The following PTPN14 variants were observed in gnomAD, a reference collection of about 807,000 sequenced individuals.
PTPN14 encodes tyrosine-protein phosphatase non-receptor type 14.
In PTPN14, 53 loss-of-function variants were observed where a neutral mutation model predicts 126.8. The observed-to-expected ratio is 0.42, with a 90% CI of 0.34 to 0.53. The LOEUF (loss-of-function observed/expected upper bound fraction) is 0.53. Ranked by LOEUF, PTPN14 falls within the 20% of genes least tolerant of loss-of-function variation. The pLI, the probability that PTPN14 is intolerant of heterozygous loss-of-function variation, is 0.08. For missense variants in PTPN14, 1,257 were observed against 1,552.9 expected (o/e 0.81, Z 3.20); for synonymous variants, 630 against 599.3 (o/e 1.05, Z -0.75).
intron 1 of PTPN14, chr1:214,530,651 A>G (rs904673762): frequency 1.3e-5 from 2 of 152,078 alleles, no homozygotes; most frequent in African/African-American, 4.8e-5. Flanking sequence ...TCTATAATAT[A>G]TTTTACACCC....
Position 214,407,854 on chromosome 1 carries a change from T to G in PTPN14, c.510+3830A>C, listed in dbSNP as rs532651612. 4.7e-3 allele frequency among the ~76,000 whole-genome samples: 709 copies of G among 152,286 alleles called. 5 individuals carry two copies. Among genetic ancestry groups the G allele is most frequent in the African/African-American group, 0.016 (675 of 41,544 alleles). ...CTTGAATCCAGCAGTTCTCAAAGTGTGGGGTCTGCAGAACTCAAAGGAGCC... is the reference window on the plus strand; with the variant it reads ...CTTGAATCCAGCAGTTCTCAAAGTGGGGGGTCTGCAGAACTCAAAGGAGCC... On this transcript the variant is annotated intron_variant, in intron 5 of 18. Transcript: ENST00000366956.
At chr1:214,411,862 A>G (rs1659317219) in intron 4 of PTPN14, 111 bp from the exon 5 acceptor site, 3 of 553,864 alleles carry the variant, frequency 5.4e-6, no homozygotes. Flanking sequence ...CCTATTTCTC[A>G]CTATTATTAA....
Position 214,435,862 on chromosome 1 carries a change from T to A in PTPN14, c.344+15943A>T, listed in dbSNP as rs187166340. ...ATTTCTCAAAGAACTTAAGGCAGAATTTCCATTCGACCCAGCAATCTCATT... is the reference window on the plus strand; with the variant it reads ...ATTTCTCAAAGAACTTAAGGCAGAAATTCCATTCGACCCAGCAATCTCATT... On this transcript the variant is annotated intron_variant, in intron 3 of 18. Coordinates refer to ENST00000366956, the MANE Select transcript of PTPN14 (RefSeq NM_005401.5). Among the ~76,000 whole-genome samples the A allele has an allele frequency of 3.3e-5, 5 of 152,292 alleles. No individual in the cohort carries two copies. In the East Asian group the frequency reaches 9.6e-4, roughly 29 times the overall value.
chr1:214,374,379 G>A (rs543783559), intron 15 of PTPN14, among the ~76,000 whole-genome samples: 62 of 152,328 alleles, frequency 4.1e-4, no homozygotes, highest in African/African-American at 1.4e-3. Flanking sequence ...TGGTTTATCC[G>A]TGGAATTGTG....
intron 1 of PTPN14, among the ~76,000 whole-genome samples, chr1:214,520,071 T>TAC (rs1181392730): frequency 8.4e-6 from 1 of 119,144 alleles, no homozygotes; most frequent in Non-Finnish European, 1.7e-5. Flanking sequence ...AAAAAATATA[T>TAC]ATATATATAT....
chr1:214,489,909 T>C (rs903700539), intron 1 of PTPN14, among the ~76,000 whole-genome samples: 1 of 152,226 alleles, frequency 6.6e-6, no homozygotes, highest in Non-Finnish European at 1.5e-5. Flanking sequence ...GTCTCGTCTA[T>C]AAAATAAAGG....
chr1:214,453,432 G>A (rs1423424264), intron 2 of PTPN14, among the ~76,000 whole-genome samples: 1 of 152,210 alleles, frequency 6.6e-6, no homozygotes, highest in African/African-American at 2.4e-5. Context: ...CTTTACACAA[G>A]TCATTGAGCC....
chr1:214,436,522 T>G (rs1486467820), intron 3 of PTPN14, among the ~76,000 whole-genome samples: 1 of 152,134 alleles, frequency 6.6e-6, no homozygotes, highest in Non-Finnish European at 1.5e-5. Flanking sequence ...TAGGGCTGGG[T>G]ACAGTGGCTC....
At chr1:214,517,290 T>C (rs931828808) in intron 1 of PTPN14, among the ~76,000 whole-genome samples, 1 of 152,138 alleles carries the variant, frequency 6.6e-6, no homozygotes. Flanking sequence ...AAATGCATGA[T>C]ATGTCTTCCT....
chr1:214,378,554 TGAGA>T (rs1280237261), intron 13 of PTPN14, among the ~76,000 whole-genome samples: 2 of 149,924 alleles, frequency 1.3e-5, no homozygotes, highest in African/African-American at 4.9e-5. Context: ...TGTTGTTGAT[TGAGA>T]GATCCACACA....
intron 1 of PTPN14, among the ~76,000 whole-genome samples, chr1:214,484,800 A>T (rs944140401): frequency 1.3e-5 from 2 of 152,224 alleles, no homozygotes; most frequent in Non-Finnish European, 2.9e-5. Flanking sequence ...ACAGAAGGTC[A>T]TTAAAGGTCT....
intron 9 of PTPN14, among the ~76,000 whole-genome samples, chr1:214,394,321 C>T (rs1658825988): frequency 1.3e-5 from 2 of 152,224 alleles, no homozygotes; most frequent in South Asian, 4.1e-4. Context: ...GCACACCAGA[C>T]AATGTGATCC....
intron 3 of PTPN14, among the ~76,000 whole-genome samples, chr1:214,445,825 C>T (rs1660130950): frequency 6.6e-6 from 1 of 152,190 alleles, no homozygotes; most frequent in Admixed American, 6.5e-5. Flanking sequence ...ATTTATCCAC[C>T]TCTCAGAAGC....
At chr1:214,502,058 CAAAA>C (rs60034306) in intron 1 of PTPN14, among the ~76,000 whole-genome samples, 4,844 of 70,946 alleles carry the variant, frequency 0.068, 236 homozygotes, top group African/African-American at 0.21. Flanking sequence ...GGCTCTGTCT[CAAAA>C]AAAAAAAAAA....
intron 3 of PTPN14, among the ~76,000 whole-genome samples, chr1:214,419,136 A>G (rs1284632704): frequency 6.6e-6 from 1 of 152,216 alleles, no homozygotes; most frequent in Non-Finnish European, 1.5e-5. Context: ...ATTTAATAGC[A>G]CATATCAACT....
chr1:214,528,117 A>G (rs1363920069), intron 1 of PTPN14, among the ~76,000 whole-genome samples: 2 of 152,244 alleles, frequency 1.3e-5, no homozygotes, highest in Admixed American at 6.5e-5. Context: ...CTTACAAATT[A>G]TAAAATCTGG....
At chr1:214,423,861 A>T (rs1659599036) in intron 3 of PTPN14, among the ~76,000 whole-genome samples, 1 of 152,132 alleles carries the variant, frequency 6.6e-6, no homozygotes, top group Non-Finnish European at 1.5e-5. Flanking sequence ...CACGCCTGTA[A>T]TTCCAGCTAC....
Position 214,504,201 on chromosome 1 carries a change from C to T in PTPN14, c.-154-39244G>A, listed in dbSNP as rs1001715618. Reference sequence around the variant, plus strand: ...TGCCTCTCCGTTAGCCCTACCTCTGCGAAGACCTTTATATTACACTCGAGG... The same window carrying T: ...TGCCTCTCCGTTAGCCCTACCTCTGTGAAGACCTTTATATTACACTCGAGG... On this transcript the variant is annotated intron_variant, in intron 1 of 18. Transcript: ENST00000366956. 5.9e-5 allele frequency among the ~76,000 whole-genome samples: 9 copies of T among 152,250 alleles called. No homozygotes were observed. The East Asian group carries it at 7.7e-4, about 13-fold the overall frequency.
intron 3 of PTPN14, among the ~76,000 whole-genome samples, chr1:214,426,642 T>C (rs1659670682): frequency 6.6e-6 from 1 of 152,146 alleles, no homozygotes; most frequent in South Asian, 2.1e-4. Flanking sequence ...AGAACTATAA[T>C]TCCCAAATCA....
Sources: gnomAD v4.1 joint callset for allele counts (sites outside exome capture counted in the v4.1 genomes callset) on GRCh38, gnomAD v4.1.1 for gene constraint, MANE v1.5 for transcripts, NCBI Gene and HGNC (gene_info 2026-07-23, HGNC 2026-07-21) for gene names.